Variants in MSR1 observed in about 807,000 individuals in gnomAD.
The protein encoded by MSR1 is macrophage scavenger receptor 1.
A neutral mutation model predicts 47.2 loss-of-function variants in MSR1; 53 were observed. The observed-to-expected ratio is 1.12, with a 90% confidence interval of 0.90 to 1.41. MSR1 has a LOEUF of 1.41. MSR1 is among the 40% of genes most tolerant of loss of function. The probability of loss-of-function intolerance (pLI) is 0.00; values close to 1 mark genes in which losing one functional copy is unlikely to be tolerated. For missense variants in MSR1, 786 were observed against 546.9 expected (o/e 1.44, Z -4.36); for synonymous variants, 239 against 185.6 (o/e 1.29, Z -2.34).
At chr8:16,140,091 TTGAA>T (rs1182387066) in intron 8 of MSR1, 3 of 803,730 alleles carry the variant, frequency 3.7e-6, no homozygotes, top group Non-Finnish European at 4.3e-6. Context: ...GAATTAATGA[TTGAA>T]TGAATGGATT....
chr8:16,130,736 T>C (rs942256464), intron 8 of MSR1, among the ~76,000 whole-genome samples: 1 of 152,012 alleles, frequency 6.6e-6, no homozygotes. Flanking sequence ...ATGAAGTGTT[T>C]GGTTTTCTGC....
intron 7 of MSR1, among the ~76,000 whole-genome samples, chr8:16,144,546 A>T (rs1003067597): frequency 6.6e-6 from 1 of 152,050 alleles, no homozygotes; most frequent in African/African-American, 2.4e-5. Context: ...ACAACCATAG[A>T]CTTCAAAATA....
At chr8:16,164,534 A>T (rs1485892947) in intron 4 of MSR1, among the ~76,000 whole-genome samples, 1 of 151,978 alleles carries the variant, frequency 6.6e-6, no homozygotes, top group Non-Finnish European at 1.5e-5. Flanking sequence ...TAGATGTCAA[A>T]ATTCTAACAA....
At chr8:16,168,909 T>A in intron 3 of MSR1, 39 bp from the exon 4 acceptor site, 1 of 1,579,870 alleles carries the variant, frequency 6.3e-7, no homozygotes, top group Non-Finnish European at 8.6e-7. Flanking sequence ...CATGGCCTGA[T>A]CCTTGAATGC....
At chr8:16,182,273 T>C (rs1009267278) in intron 1 of MSR1, among the ~76,000 whole-genome samples, 4 of 152,148 alleles carry the variant, frequency 2.6e-5, no homozygotes, top group African/African-American at 9.7e-5. Context: ...TAAATGAAAC[T>C]TGCAGGACTG....
intron 8 of MSR1, chr8:16,140,259 G>A (rs1450202481): frequency 2.0e-6 from 2 of 982,052 alleles, no homozygotes; most frequent in African/African-American, 3.5e-5. Context: ...CTGTGCAATA[G>A]AACAAGGCTC....
chr8:16,154,762 T>C (rs1563155728), intron 6 of MSR1, among the ~76,000 whole-genome samples: 1 of 151,988 alleles, frequency 6.6e-6, no homozygotes, highest in Non-Finnish European at 1.5e-5. Context: ...GTCTATTATA[T>C]ACATGTCACT....
intron 7 of MSR1, among the ~76,000 whole-genome samples, chr8:16,145,175 A>C (rs986581456): frequency 3.3e-5 from 5 of 152,080 alleles, no homozygotes; most frequent in Admixed American, 6.6e-5. Flanking sequence ...GCTTTGCATA[A>C]TGTGATTATA....
intron 1 of MSR1, among the ~76,000 whole-genome samples, chr8:16,189,011 T>C (rs1374970811): frequency 2.7e-5 from 4 of 146,600 alleles, no homozygotes; most frequent in South Asian, 2.1e-4. Context: ...ACAACATATA[T>C]ATATGTGTTG....
rs1173312117 is a variant in MSR1 at position 16,120,562 on chromosome 8, C to A, written c.1078G>T (p.Glu360Ter). ...VRLVGGSGPH[E>*]GRVEILHSGQ... The stretch of plus-strand genomic sequence containing the variant: ...CTGTGGAGTATCTCCACCCTCCCCT[C>A]GTGAGGGCCGCTCCCACCGACCAGT... The change falls in exon 9 of 10, where the codon GAG becomes TAG. Residue 360 changes from glutamate (E) to a stop codon, truncating the protein, a stop_gained. Transcript: ENST00000262101. LOFTEE classifies it high-confidence loss of function. The A allele has an allele frequency of 1.9e-6, 3 of 1,606,632 alleles. No homozygotes were observed. The highest frequency in any genetic ancestry group is 2.5e-6 in the Non-Finnish European group (3 of 1,178,984).
At chr8:16,148,997 A>G (rs957893731) in intron 7 of MSR1, among the ~76,000 whole-genome samples, 2 of 152,146 alleles carry the variant, frequency 1.3e-5, no homozygotes, top group South Asian at 4.1e-4. Context: ...TGGAGTCAGT[A>G]AAAAGATCAG....
chr8:16,181,022 T>G (rs1055216934), intron 1 of MSR1, among the ~76,000 whole-genome samples: 1 of 151,834 alleles, frequency 6.6e-6, no homozygotes, highest in African/African-American at 2.4e-5. Flanking sequence ...GAAGCCAAAC[T>G]GGATTATTTA....
intron 5 of MSR1, among the ~76,000 whole-genome samples, chr8:16,161,332 G>C (rs774775994): frequency 2.0e-5 from 3 of 151,966 alleles, no homozygotes; most frequent in Non-Finnish European, 4.4e-5. Flanking sequence ...ACAGATTTGG[G>C]GAGGCAGATG....
At chr8:16,122,324 C>A (rs529999359) in intron 8 of MSR1, among the ~76,000 whole-genome samples, 9 of 152,020 alleles carry the variant, frequency 5.9e-5, no homozygotes, top group Admixed American at 1.3e-4. Flanking sequence ...TTGTGAGAAG[C>A]CTTTACATAT....
chr8:16,118,946 C>T (rs1479107130), intron 9 of MSR1, among the ~76,000 whole-genome samples: 1 of 152,134 alleles, frequency 6.6e-6, no homozygotes, highest in Admixed American at 6.5e-5. Flanking sequence ...CAAACCCACA[C>T]TTTTCAACCT....
At chr8:16,125,172 C>T (rs977439117) in intron 8 of MSR1, among the ~76,000 whole-genome samples, 1 of 152,088 alleles carries the variant, frequency 6.6e-6, no homozygotes, top group African/African-American at 2.4e-5. Context: ...CTCTTAGAGG[C>T]AGACTAATGT....
intron 5 of MSR1, among the ~76,000 whole-genome samples, chr8:16,160,060 C>A (rs1387225958): frequency 6.6e-6 from 1 of 151,258 alleles, no homozygotes; most frequent in Non-Finnish European, 1.5e-5. Context: ...AAGAGACACA[C>A]TGAAAAAGAC....
chr8:16,155,284 C>G (rs1800974792), intron 5 of MSR1, 140 bp from the exon 6 acceptor site: 1 of 663,364 alleles, frequency 1.5e-6, no homozygotes, highest in Non-Finnish European at 2.7e-6. Context: ...TACTGAACTT[C>G]ATGAATGGAG....
At chr8:16,147,354 T>C (rs532896371) in intron 7 of MSR1, among the ~76,000 whole-genome samples, 77 of 152,208 alleles carry the variant, frequency 5.1e-4, no homozygotes, top group African/African-American at 1.8e-3. Context: ...CAGTGTGTAC[T>C]TAATCCATGT....
Sources: allele counts gnomAD v4.1 joint callset (sites outside exome capture counted in the v4.1 genomes callset), GRCh38; gene constraint gnomAD v4.1.1; transcripts MANE v1.5; gene names NCBI Gene and HGNC (gene_info 2026-07-23, HGNC 2026-07-21).